LRRC4C: variants seen among roughly 807,000 people sequenced by gnomAD.
The protein encoded by LRRC4C is leucine-rich repeat-containing protein 4C.
LRRC4C carries 5 observed loss-of-function variants against 33.6 expected under a neutral mutation model. That is an observed-to-expected ratio of 0.15 (90% CI 0.08 to 0.31). The LOEUF (loss-of-function observed/expected upper bound fraction) is 0.31, where lower values mean the gene tolerates loss of function less well. Among genes scored for constraint, LRRC4C ranks in the 10% least tolerant of loss-of-function variants. LRRC4C has a pLI of 1.00. For synonymous variants in LRRC4C, 329 were observed against 302.0 expected (o/e 1.09, Z -0.93); for missense variants, 560 against 796.7 (o/e 0.70, Z 3.58).
chr11:41,229,847 A>G lies in LRRC4C; in HGVS notation c.-496+229584T>C, dbSNP rs139615129. On this transcript the variant is annotated intron_variant, in intron 1 of 6. Coordinates refer to ENST00000528697, the MANE Select transcript of LRRC4C (RefSeq NM_001258419.2). ...TGATGTTTTGTGCCTTTGATTACTG[A>G]TCTTACCTTGAATTTCTCCTTCACT... is the stretch of plus-strand genomic sequence containing the variant. Among the ~76,000 whole-genome samples, 170 of 152,084 alleles carry G rather than the reference A, an allele frequency of 1.1e-3. 1 individual carries two copies. The highest frequency in any genetic ancestry group is 4.0e-3 in the African/African-American group (165 of 41,524).
At chr11:40,891,825 T>C (rs1033890894) in intron 2 of LRRC4C, among the ~76,000 whole-genome samples, 4 of 152,098 alleles carry the variant, frequency 2.6e-5, no homozygotes, top group African/African-American at 9.7e-5. Context: ...CTACAACCAC[T>C]GTGGAGAACA....
chr11:40,228,240 T>G (rs1864953106), intron 5 of LRRC4C, among the ~76,000 whole-genome samples: 1 of 152,210 alleles, frequency 6.6e-6, no homozygotes, highest in African/African-American at 2.4e-5. Flanking sequence ...GCCTGTAATA[T>G]TTACTGAATA....
intron 3 of LRRC4C, among the ~76,000 whole-genome samples, chr11:40,477,078 A>G (rs113962034): frequency 6.6e-6 from 1 of 152,222 alleles, no homozygotes; most frequent in Non-Finnish European, 1.5e-5. Context: ...CAAGTTAAAA[A>G]TAGCCCATTC....
At chr11:41,223,059 G>GTT (rs1947376914) in intron 1 of LRRC4C, 1 of 152,036 alleles carries the variant, frequency 6.6e-6, no homozygotes, top group Non-Finnish European at 1.5e-5. Flanking sequence ...CAGAGCACTG[G>GTT]CACAGAGTGA....
intron 1 of LRRC4C, among the ~76,000 whole-genome samples, chr11:41,091,317 G>A (rs1410363889): frequency 1.3e-5 from 2 of 151,944 alleles, no homozygotes; most frequent in Non-Finnish European, 2.9e-5. Context: ...TTTCTCTGGA[G>A]AATGACCATA....
chr11:40,558,749 T>C (rs35212459), intron 3 of LRRC4C, among the ~76,000 whole-genome samples: 29,966 of 152,156 alleles, frequency 0.2, 3,666 homozygotes, highest in East Asian at 0.55. Flanking sequence ...GGTTTTTTTC[T>C]TACATGGGTA....
At position 40,617,523 on chromosome 11, in the gene LRRC4C, A is replaced by T. The variant is rs1185626463; in HGVS notation, c.-270+30619T>A. Among the ~76,000 whole-genome samples, 3 of 151,672 alleles carry T rather than the reference A, an allele frequency of 2.0e-5. 1 individual carries two copies. Among genetic ancestry groups the T allele is most frequent in the Non-Finnish European group, 4.4e-5 (3 of 67,744 alleles). On this transcript the variant is annotated intron_variant, in intron 3 of 6. Transcript: ENST00000528697. The stretch of plus-strand genomic sequence containing the variant: ...TTTCTGAGCCTAGTCCCTTACTTCA[A>T]ATTGCAATTCTTATAATTGCATTCT...
chr11:40,329,375 C>T (rs1286773061), intron 3 of LRRC4C, among the ~76,000 whole-genome samples: 3 of 152,030 alleles, frequency 2.0e-5, no homozygotes, highest in East Asian at 1.9e-4. Flanking sequence ...AGGGGAGCAA[C>T]GGAAACAGTG....
At chr11:41,177,332 A>T (rs945554335) in intron 1 of LRRC4C, among the ~76,000 whole-genome samples, 5 of 152,164 alleles carry the variant, frequency 3.3e-5, no homozygotes, top group Admixed American at 3.3e-4. Context: ...GACAAGATAC[A>T]AATTTGCTTT....
At chr11:40,795,649 T>C (rs1354456144) in intron 2 of LRRC4C, among the ~76,000 whole-genome samples, 1 of 152,188 alleles carries the variant, frequency 6.6e-6, no homozygotes, top group Non-Finnish European at 1.5e-5. Context: ...ACATAGGCAG[T>C]TTAAAAAAAG....
Position 40,528,138 on chromosome 11 carries a change from T to C in LRRC4C, c.-270+120004A>G, listed in dbSNP as rs78976159. Among the ~76,000 whole-genome samples the C allele has an allele frequency of 8.8e-3, 1,342 of 152,182 alleles. 11 individuals carry two copies. The highest frequency in any genetic ancestry group is 0.031 in the African/African-American group (1,274 of 41,510). On this transcript the variant is annotated intron_variant, in intron 3 of 6. Transcript: ENST00000528697. ...AATTTTAAAAAACTGATTTCTTGGA[T>C]ATAACACCGAAAGCAAAGCAAAAAA...
At chr11:41,116,660 A>G (rs764871613) in intron 1 of LRRC4C, among the ~76,000 whole-genome samples, 1 of 152,142 alleles carries the variant, frequency 6.6e-6, no homozygotes, top group African/African-American at 2.4e-5. Flanking sequence ...AGACAAAGTG[A>G]GTTGCTAAAA....
intron 2 of LRRC4C, among the ~76,000 whole-genome samples, chr11:40,926,552 C>A (rs1957413154): frequency 6.6e-6 from 1 of 152,070 alleles, no homozygotes; most frequent in Admixed American, 6.5e-5. Context: ...GAAATGTATT[C>A]CTGTTACTCT....
intron 2 of LRRC4C, among the ~76,000 whole-genome samples, chr11:40,852,977 A>G (rs897445273): frequency 3.3e-5 from 5 of 152,214 alleles, no homozygotes; most frequent in African/African-American, 9.6e-5. Flanking sequence ...TAATATATCA[A>G]GCATAGCCAT....
intron 3 of LRRC4C, among the ~76,000 whole-genome samples, chr11:40,382,618 G>A (rs1948928459): frequency 6.7e-6 from 1 of 149,604 alleles, no homozygotes; most frequent in African/African-American, 2.5e-5. Flanking sequence ...AGCATTGCTT[G>A]CTATAGGTAG....
intron 1 of LRRC4C, among the ~76,000 whole-genome samples, chr11:41,017,997 A>C (rs146728997): frequency 2.0e-5 from 3 of 152,108 alleles, no homozygotes; most frequent in Admixed American, 2.0e-4. Flanking sequence ...AATGGTCTTC[A>C]AGATGATAAT....
chr11:40,533,114 G>A (rs1312352587), intron 3 of LRRC4C, among the ~76,000 whole-genome samples: 1 of 152,030 alleles, frequency 6.6e-6, no homozygotes, highest in Non-Finnish European at 1.5e-5. Context: ...TGAGATTTTG[G>A]GTGGGGACAT....
intron 3 of LRRC4C, among the ~76,000 whole-genome samples, chr11:40,538,680 A>T (rs1024519537): frequency 6.6e-6 from 1 of 152,122 alleles, no homozygotes. Context: ...TAGTATTTCT[A>T]GTTACTCTAG....
chr11:40,342,597 T>A (rs1468297252), intron 3 of LRRC4C, among the ~76,000 whole-genome samples: 1 of 151,978 alleles, frequency 6.6e-6, no homozygotes, highest in Non-Finnish European at 1.5e-5. Context: ...TAAAAGCAAA[T>A]GATTAAAACA....
Sources: allele counts gnomAD v4.1 joint callset (sites outside exome capture counted in the v4.1 genomes callset), GRCh38; gene constraint gnomAD v4.1.1; transcripts MANE v1.5; gene names NCBI Gene and HGNC (gene_info 2026-07-23, HGNC 2026-07-21).